The following FRMD3 variants were observed in gnomAD, a reference collection of about 807,000 sequenced individuals.
The protein encoded by FRMD3 is FERM domain-containing protein 3.
In FRMD3, 33 loss-of-function variants were observed where a neutral mutation model predicts 70.2. That is an observed-to-expected ratio of 0.47 (90% CI 0.36 to 0.63). FRMD3 has a LOEUF of 0.63. Among genes scored for constraint, FRMD3 ranks in the 20% least tolerant of loss-of-function variants. The pLI is 0.00. For missense variants in FRMD3, 632 were observed against 711.4 expected, an observed-to-expected ratio of 0.89 and a Z score of 1.27; for synonymous variants, 279 against 255.9, an observed-to-expected ratio of 1.09 and a Z score of -0.86.
chr9:83,464,414 T>A (rs1828061413), intron 1 of FRMD3, among the ~76,000 whole-genome samples: 1 of 152,180 alleles, frequency 6.6e-6, no homozygotes, highest in South Asian at 2.1e-4. Context: ...TTCTGGCTCA[T>A]GCACTGTCCC....
At chr9:83,449,361 C>G (rs192898078) in intron 1 of FRMD3, among the ~76,000 whole-genome samples, 58 of 152,334 alleles carry the variant, frequency 3.8e-4, no homozygotes, top group African/African-American at 1.3e-3. Context: ...GGCCAGTGAA[C>G]AGCTGTAAAA....
intron 1 of FRMD3, among the ~76,000 whole-genome samples, chr9:83,482,506 T>C (rs1828591213): frequency 6.6e-6 from 1 of 152,344 alleles, no homozygotes; most frequent in South Asian, 2.1e-4. Context: ...TACTAGTAAA[T>C]TCTGCTAGGT....
chr9:83,361,909 G>C (rs1461202152), intron 3 of FRMD3, among the ~76,000 whole-genome samples: 1 of 152,198 alleles, frequency 6.6e-6, no homozygotes, highest in African/African-American at 2.4e-5. Flanking sequence ...AAGGCAGGAA[G>C]CATTCTTCCC....
intron 1 of FRMD3, among the ~76,000 whole-genome samples, chr9:83,426,037 G>T (rs7029023): frequency 0.025 from 3,762 of 152,050 alleles, 74 homozygotes; most frequent in Non-Finnish European, 0.039. Flanking sequence ...ACAAGCGTGA[G>T]CAAACCATCC....
intron 10 of FRMD3, among the ~76,000 whole-genome samples, chr9:83,303,821 A>G (rs1266210284): frequency 6.6e-6 from 1 of 152,224 alleles, no homozygotes; most frequent in East Asian, 1.9e-4. Flanking sequence ...ACCACTATCT[A>G]ATACGAAAAC....
chr9:83,323,761 A>G (rs1835902901), intron 6 of FRMD3, among the ~76,000 whole-genome samples: 1 of 152,238 alleles, frequency 6.6e-6, no homozygotes, highest in South Asian at 2.1e-4. Context: ...ATGGATATAC[A>G]CTGTATGATT....
At chr9:83,481,970 A>T (rs1159767428) in intron 1 of FRMD3, among the ~76,000 whole-genome samples, 1 of 152,098 alleles carries the variant, frequency 6.6e-6, no homozygotes, top group Admixed American at 6.5e-5. Flanking sequence ...ACAAAAAAAA[A>T]AAAAAACAGC....
intron 1 of FRMD3, among the ~76,000 whole-genome samples, chr9:83,479,773 G>GA (rs1828519177): frequency 1.4e-5 from 1 of 71,224 alleles, no homozygotes; most frequent in African/African-American, 5.5e-5. Context: ...GAGGGAGGGA[G>GA]GGAGGGAGGG....
intron 1 of FRMD3, among the ~76,000 whole-genome samples, chr9:83,499,696 G>A (rs1272435731): frequency 1.3e-5 from 2 of 152,220 alleles, no homozygotes; most frequent in Non-Finnish European, 2.9e-5. Context: ...TGGTGGGAAT[G>A]TAAAATGGTT....
rs894987338 is a variant in FRMD3 at position 83,245,510 on chromosome 9, G to C, written c.*2408C>G. On this transcript the variant is annotated 3_prime_UTR_variant, in exon 14 of 14. Coordinates refer to ENST00000304195, the MANE Select transcript of FRMD3 (RefSeq NM_174938.6). The stretch of plus-strand genomic sequence containing the variant: ...ATTCAACAATGAAGTTTCCACCTAA[G>C]AGAAAAGAGATGTTAGCTGGAAATG... 2 of 979,400 alleles carry C rather than the reference G, an allele frequency of 2.0e-6. No homozygotes were observed. Among genetic ancestry groups the C allele is most frequent in the African/African-American group, 3.5e-5 (2 of 57,048 alleles). The allele number at this position is 979,400 out of a possible 1,614,324, so 60.7% of individuals were successfully genotyped here. A position where few individuals can be genotyped will look rare whatever the true frequency, so the allele number is the denominator to read the frequency against.
intron 1 of FRMD3, among the ~76,000 whole-genome samples, chr9:83,445,600 A>C (rs1827438648): frequency 6.6e-6 from 1 of 152,190 alleles, no homozygotes; most frequent in Non-Finnish European, 1.5e-5. Flanking sequence ...ATGCCTCCTT[A>C]TTTATCCTTG....
intron 13 of FRMD3, among the ~76,000 whole-genome samples, chr9:83,263,077 C>G (rs1187905815): frequency 2.0e-5 from 3 of 152,208 alleles, no homozygotes; most frequent in Non-Finnish European, 4.4e-5. Context: ...GACTCCTTAT[C>G]TGTTGACATT....
At chr9:83,432,846 G>A (rs547652597) in intron 1 of FRMD3, among the ~76,000 whole-genome samples, 3 of 152,164 alleles carry the variant, frequency 2.0e-5, no homozygotes, top group Non-Finnish European at 4.4e-5. Flanking sequence ...TACTGCACCT[G>A]TCACCCAAGT....
intron 2 of FRMD3, among the ~76,000 whole-genome samples, chr9:83,383,869 C>T (rs1825432336): frequency 6.6e-6 from 1 of 152,218 alleles, no homozygotes; most frequent in Non-Finnish European, 1.5e-5. Context: ...TTTTATCAAG[C>T]ATCCATTTCC....
the FRMD3 span, among the ~76,000 whole-genome samples, chr9:83,554,538 T>C: frequency 6.6e-6 from 1 of 152,240 alleles, no homozygotes; most frequent in Non-Finnish European, 1.5e-5. Context: ...CAATGTTTCC[T>C]TGTCTGGTGA....
At chr9:83,485,721 G>A (rs1423304304) in intron 1 of FRMD3, among the ~76,000 whole-genome samples, 1 of 152,182 alleles carries the variant, frequency 6.6e-6, no homozygotes, top group Non-Finnish European at 1.5e-5. Context: ...TTAGTATGAA[G>A]CAGTAGAAAG....
intron 1 of FRMD3, among the ~76,000 whole-genome samples, chr9:83,469,811 C>G (rs1297762386): frequency 6.6e-6 from 1 of 152,204 alleles, no homozygotes; most frequent in Non-Finnish European, 1.5e-5. Flanking sequence ...CTCATGCAGC[C>G]AGTGTCTTCT....
chr9:83,286,480 T>C (rs2118947777), intron 13 of FRMD3, among the ~76,000 whole-genome samples: 1 of 152,274 alleles, frequency 6.6e-6, no homozygotes, highest in East Asian at 1.9e-4. Context: ...TACAGGCATA[T>C]GCCACCACAC....
intron 1 of FRMD3, among the ~76,000 whole-genome samples, chr9:83,493,426 G>A (rs572507669): frequency 2.0e-5 from 3 of 152,308 alleles, no homozygotes; most frequent in Non-Finnish European, 4.4e-5. Flanking sequence ...CATTCCTGTA[G>A]TCCCTGCCAT....
Sources: gnomAD v4.1 joint callset for allele counts (sites outside exome capture counted in the v4.1 genomes callset) on GRCh38, gnomAD v4.1.1 for gene constraint, MANE v1.5 for transcripts, NCBI Gene and HGNC (gene_info 2026-07-23, HGNC 2026-07-21) for gene names.